Variants in HCFC2 observed in about 807,000 individuals in gnomAD.
HCFC2 encodes the protein host cell factor C2.
A neutral mutation model predicts 89.2 loss-of-function variants in HCFC2; 18 were observed. That is an observed-to-expected ratio of 0.20 (90% CI 0.14 to 0.30). The LOEUF is 0.30. Among genes scored for constraint, HCFC2 ranks in the 10% least tolerant of loss-of-function variants. HCFC2 has a pLI of 1.00. For missense variants in HCFC2, 578 were observed against 956.1 expected, an observed-to-expected ratio of 0.60 and a Z score of 5.21; for synonymous variants, 308 against 335.7, an observed-to-expected ratio of 0.92 and a Z score of 0.90.
rs1168062401 is a variant in HCFC2 at position 104,106,492 on chromosome 12, T to C, written c.*3219T>C. 1 of 152,136 alleles carries C rather than the reference T, an allele frequency of 6.6e-6. No homozygotes were observed. Among genetic ancestry groups the C allele is most frequent in the African/African-American group, 2.4e-5 (1 of 41,434 alleles). 9.4% of individuals were successfully genotyped at this position (152,136 alleles called of 1,614,324 possible). On this transcript the variant is annotated 3_prime_UTR_variant, in exon 15 of 15. Coordinates refer to ENST00000229330, the MANE Select transcript of HCFC2 (RefSeq NM_013320.3). Reference sequence around the variant, plus strand: ...TTTTATGTATCGTGTACCAATGATATGTAAAATAAAGCACCTTTTCTACTA... The same window carrying C: ...TTTTATGTATCGTGTACCAATGATACGTAAAATAAAGCACCTTTTCTACTA...
At chr12:104,082,381 G>A (rs1169821731) in intron 5 of HCFC2, 119 bp from the exon 6 acceptor site, 26 of 624,780 alleles carry the variant, frequency 4.2e-5, no homozygotes, top group East Asian at 3.0e-4. Context: ...AATGGTAAGC[G>A]AATGAATAGT....
rs560960895 is a variant in HCFC2 at position 104,079,728 on chromosome 12, A to G, written c.682+75A>G. ...TTTGAAAAATATTATTGATTGCAGT[A>G]TTTATTGAGTTGTACTTAGATTTAT... On this transcript the variant is annotated intron_variant, in intron 4 of 14. Coordinates refer to ENST00000229330, the MANE Select transcript of HCFC2 (RefSeq NM_013320.3). 1.2e-5 allele frequency: 13 copies of G among 1,115,132 alleles called. No homozygotes were observed. In the East Asian group the frequency reaches 3.1e-4, roughly 26 times the overall value. The allele number at this position is 1,115,132 out of a possible 1,614,324, so 69.1% of individuals were successfully genotyped here. A position where few individuals can be genotyped will look rare whatever the true frequency, so the allele number is the denominator to read the frequency against.
In HCFC2 at chr12:104,104,263, T is replaced by G. The variant is rs2030030121; in HGVS notation, c.*990T>G. 1 of 152,070 alleles carries G rather than the reference T, an allele frequency of 6.6e-6. No individual in the cohort carries two copies. Among genetic ancestry groups the G allele is most frequent in the South Asian group, 2.1e-4 (1 of 4,830 alleles). 9.4% of individuals were successfully genotyped at this position (152,070 alleles called of 1,614,324 possible). On this transcript the variant is annotated 3_prime_UTR_variant, in exon 15 of 15. Coordinates refer to ENST00000229330, the MANE Select transcript of HCFC2 (RefSeq NM_013320.3). Reference sequence around the variant, plus strand: ...AAGATTTTTGTAAATGCTCTAAATGTTTTATTTTTGCATTGTTTTTACCTT... The same window carrying G: ...AAGATTTTTGTAAATGCTCTAAATGGTTTATTTTTGCATTGTTTTTACCTT...
intron 3 of HCFC2, among the ~76,000 whole-genome samples, chr12:104,071,397 G>C (rs1883322529): frequency 1.3e-5 from 2 of 152,134 alleles, no homozygotes; most frequent in South Asian, 2.1e-4. Flanking sequence ...AGGTGCATGC[G>C]GTTACATACA....
chr12:104,079,322 A>G (rs953034913), intron 3 of HCFC2, 123 bp from the exon 4 acceptor site: 4 of 738,780 alleles, frequency 5.4e-6, no homozygotes, highest in African/African-American at 1.8e-5. Context: ...CTGCTCTCCT[A>G]ATGCCTTTCT....
At chr12:104,098,321 A>G in intron 12 of HCFC2, 22 bp from the exon 13 acceptor site, 1 of 1,569,350 alleles carries the variant, frequency 6.4e-7, no homozygotes, top group Non-Finnish European at 8.6e-7. Context: ...GTCTTCATAA[A>G]TTTTTTTTTC....
At position 104,087,979 on chromosome 12, in the gene HCFC2, C is replaced by T. The variant is rs1426016052; in HGVS notation, c.1232-7C>T. 1.3e-6 allele frequency: 2 copies of T among 1,588,596 alleles called. No individual in the cohort carries two copies. The highest frequency in any genetic ancestry group is 1.7e-6 in the Non-Finnish European group (2 of 1,163,136). On this transcript the variant is annotated splice_region_variant and splice_polypyrimidine_tract_variant and intron_variant, in intron 8 of 14. Transcript: ENST00000229330. ...CATATCAGTCTGAACCTTTCTCATTCCTTCAGGAGTCAGGATGGACCCTCA... is the reference window on the plus strand; with the variant it reads ...CATATCAGTCTGAACCTTTCTCATTTCTTCAGGAGTCAGGATGGACCCTCA...
In HCFC2 at chr12:104,079,556, T is replaced by C; in HGVS notation, c.585T>C (p.Ala195=). ...CTTCTCCAAGAGAATCCCACACAGCTGTTATATATTGCAAAAAAGATTCTG... is the reference window on the plus strand; with the variant it reads ...CTTCTCCAAGAGAATCCCACACAGCCGTTATATATTGCAAAAAAGATTCTG... ...VVPSPRESHT[A]VIYCKKDSGS... Residue 195 remains alanine (A), a synonymous_variant, in exon 4 of 15, where the codon GCT becomes GCC. Transcript: ENST00000229330. 6.2e-7 allele frequency: 1 copy of C among 1,614,094 alleles called. No individual in the cohort carries two copies. Among genetic ancestry groups the C allele is most frequent in the Non-Finnish European group, 8.5e-7 (1 of 1,179,954 alleles).
chr12:104,102,285 G>A, intron 14 of HCFC2, 132 bp downstream of exon 14: 1 of 803,352 alleles, frequency 1.2e-6, no homozygotes. Context: ...TGGATTTAAA[G>A]TTTAAAAAAT....
At chr12:104,078,897 C>A (rs755218025) in intron 3 of HCFC2, among the ~76,000 whole-genome samples, 1 of 152,122 alleles carries the variant, frequency 6.6e-6, no homozygotes, top group Non-Finnish European at 1.5e-5. Context: ...TTCTGTCACC[C>A]TACATAGCTG....
At chr12:104,087,063 A>T (rs1219940244) in intron 8 of HCFC2, 49 bp downstream of exon 8, 1 of 1,593,974 alleles carries the variant, frequency 6.3e-7, no homozygotes, top group East Asian at 2.3e-5. Flanking sequence ...TGCTTTTAAA[A>T]ATATATACTG....
chr12:104,090,177 A>G (rs1883983940), intron 9 of HCFC2, among the ~76,000 whole-genome samples: 1 of 152,172 alleles, frequency 6.6e-6, no homozygotes, highest in Admixed American at 6.5e-5. Flanking sequence ...ATATCTGAAA[A>G]TATCTTTAGC....
chr12:104,097,245 T>A (rs1163712815), intron 12 of HCFC2, among the ~76,000 whole-genome samples: 1 of 152,200 alleles, frequency 6.6e-6, no homozygotes, highest in African/African-American at 2.4e-5. Context: ...TTTCTTTCAA[T>A]CATGACTTTA....
In HCFC2 at chr12:104,098,470, G is replaced by A. The variant is rs199552084; in HGVS notation, c.1868G>A (p.Ser623Asn). ...TATTTGCTGCCAAAAGGGAAGCAAA[G>A]CATCTCAAAGGTAGCTATTGATATA... ...QFYLLPKGKQ[S>N]ISKVGNADVP... Residue 623 changes from serine to asparagine, a missense_variant, in exon 13 of 15, where the codon AGC becomes AAC. Physicochemically the swap from Ser to Asn is conservative, Grantham distance 46 (BLOSUM62 1). Transcript: ENST00000229330. 1.9e-6 allele frequency: 3 copies of A among 1,603,206 alleles called. No individual in the cohort carries two copies. In the East Asian group the frequency reaches 6.7e-5, roughly 36 times the overall value.
rs560820974 is a variant in HCFC2 at position 104,098,791 on chromosome 12, G to A, written c.1878+311G>A. Among the ~76,000 whole-genome samples the A allele has an allele frequency of 2.5e-3, 381 of 152,322 alleles. 2 individuals are homozygous for A. Among genetic ancestry groups the A allele is most frequent in the Non-Finnish European group, 4.8e-3 (324 of 68,024 alleles). ...CAAGGCAGGCAGATCACGAGGTCAG[G>A]AGATCAAGACCATCCTGGCTAACAC... On this transcript the variant is annotated intron_variant, in intron 13 of 14. Coordinates refer to ENST00000229330, the MANE Select transcript of HCFC2 (RefSeq NM_013320.3).
At chr12:104,067,094 T>C (rs1883173878) in intron 2 of HCFC2, among the ~76,000 whole-genome samples, 1 of 152,154 alleles carries the variant, frequency 6.6e-6, no homozygotes, top group Non-Finnish European at 1.5e-5. Context: ...GTGCCGCAAA[T>C]TCTTAAGTAT....
chr12:104,102,852 T>G (rs2029989794), intron 14 of HCFC2, 107 bp from the exon 15 acceptor site: 1 of 938,236 alleles, frequency 1.1e-6, no homozygotes, highest in African/African-American at 1.7e-5. Context: ...AATGCAATTA[T>G]TTTAGTAAAA....
intron 5 of HCFC2, among the ~76,000 whole-genome samples, chr12:104,081,600 GT>G (rs34494975): frequency 0.042 from 5,869 of 138,412 alleles, 338 homozygotes; most frequent in African/African-American, 0.13. Context: ...TTAGAACCTA[GT>G]TTTTTTTTTT....
rs148983779 is a variant in HCFC2, at chr12:104,098,380, C to T, written c.1778C>T (p.Ala593Val). 2.2e-5 allele frequency: 35 copies of T among 1,609,548 alleles called. No homozygotes were observed. The African/African-American group carries it at 2.4e-4, about 11-fold the overall frequency. ...TCAAATCCAGTGGCCACAGTGAAAG[C>T]GGGAGAACGACAATGGTGTGATGTG... ...TPSNPVATVK[A>V]GERQWCDVGI... The change falls in exon 13 of 15, where the codon GCG (alanine) becomes GTG (valine). Residue 593 changes from alanine (A) to valine (V), a missense_variant. This residue lies in a region of HCFC2 where 140 missense variants were observed against 266.4 expected (regional missense o/e 0.53). Transcript: ENST00000229330.
Sources: gnomAD v4.1 joint callset for allele counts (sites outside exome capture counted in the v4.1 genomes callset) on GRCh38, gnomAD v4.1.1 for gene constraint, gnomAD v4.1.1 regional missense constraint, MANE v1.5 for transcripts, NCBI Gene and HGNC (gene_info 2026-07-23, HGNC 2026-07-21) for gene names.